CIMAP2: variants seen among roughly 807,000 people sequenced by gnomAD.
CIMAP2 encodes the protein ciliary microtubule associated protein 2.
chr1:54,812,004 C>G, the CIMAP2 span: 1 of 1,614,086 alleles, frequency 6.2e-7, no homozygotes, highest in East Asian at 2.2e-5. Flanking sequence ...GAGGGGGAAG[C>G]TGAGCTCTCC....
chr1:54,822,161 GTGCTGGGAT>G, the CIMAP2 span, among the ~76,000 whole-genome samples: 34 of 98,594 alleles, frequency 3.4e-4, 2 homozygotes, highest in South Asian at 8.6e-3. Context: ...GCCTCCCAAA[GTGCTGGGAT>G]TACAGGCGTG....
chr1:54,824,831 A>T, the CIMAP2 span, among the ~76,000 whole-genome samples: 312 of 150,614 alleles, frequency 2.1e-3, no homozygotes, highest in African/African-American at 7.4e-3. Context: ...TATCTCATTG[A>T]TTTTCTTTAA....
chr1:54,807,755 T>A, the CIMAP2 span: 1 of 1,526,010 alleles, frequency 6.6e-7, no homozygotes, highest in Non-Finnish European at 8.8e-7. Context: ...TTGCAGCTGC[T>A]CTGTGTGGCC....
At chr1:54,812,143 C>G in the CIMAP2 span, 14 of 1,614,132 alleles carry the variant, frequency 8.7e-6, no homozygotes, top group African/African-American at 5.3e-5. Context: ...GACACTTTCT[C>G]TGGTGATCGG....
chr1:54,809,560 T>C, the CIMAP2 span, among the ~76,000 whole-genome samples: 1 of 152,032 alleles, frequency 6.6e-6, no homozygotes. Flanking sequence ...ATGAGAAAAA[T>C]GGAGTACAGA....
chr1:54,806,234 G>A, the CIMAP2 span: 5 of 1,511,730 alleles, frequency 3.3e-6, no homozygotes, highest in East Asian at 1.3e-4. Context: ...GGGCCCGTTT[G>A]CGTCCTGGGC....
chr1:54,820,008 T>TC, the CIMAP2 span, among the ~76,000 whole-genome samples: 251 of 125,634 alleles, frequency 2.0e-3, 5 homozygotes, highest in African/African-American at 6.7e-3. Flanking sequence ...TCTCCCTCTC[T>TC]TTTCCTTCTT....
At chr1:54,831,829 A>G in the CIMAP2 span, among the ~76,000 whole-genome samples, 2 of 152,216 alleles carry the variant, frequency 1.3e-5, no homozygotes, top group Non-Finnish European at 2.9e-5. Flanking sequence ...TAAACAATAA[A>G]AAAATCCATG....
At chr1:54,828,214 A>G in the CIMAP2 span, among the ~76,000 whole-genome samples, 1 of 152,234 alleles carries the variant, frequency 6.6e-6, no homozygotes, top group African/African-American at 2.4e-5. Context: ...TAATTTTAAA[A>G]CCGTAGAGCT....
the CIMAP2 span, among the ~76,000 whole-genome samples, chr1:54,817,537 A>G: frequency 6.6e-6 from 1 of 152,206 alleles, no homozygotes; most frequent in Non-Finnish European, 1.5e-5. Context: ...GGGGTTGGTA[A>G]AACTCATTTC....
chr1:54,841,553 C>G, the CIMAP2 span: 3 of 1,610,972 alleles, frequency 1.9e-6, no homozygotes, highest in Non-Finnish European at 2.5e-6. Flanking sequence ...GAAGTTCTTA[C>G]AAGCCAAGTT....
At chr1:54,811,765 G>GCCGGGGGGGGGGGGGGGGCCCCCCCCC in the CIMAP2 span, 13 of 1,301,312 alleles carry the variant, frequency 1.0e-5, no homozygotes, top group East Asian at 5.0e-5. Flanking sequence ...GGTTCTGACA[G>GCCGGGGGGGGGGGGGGGGCCCCCCCCC]CCTCCATGCC....
At chr1:54,812,129 CT>C in the CIMAP2 span, 1 of 1,614,228 alleles carries the variant, frequency 6.2e-7, no homozygotes, top group Admixed American at 1.7e-5. Flanking sequence ...CCCGCGGCCC[CT>C]ATGACACTTT....
At chr1:54,817,045 G>A in the CIMAP2 span, 5 of 1,614,088 alleles carry the variant, frequency 3.1e-6, no homozygotes, top group Non-Finnish European at 4.2e-6. Flanking sequence ...CAAAGGACAG[G>A]CGGCAGCGAT....
chr1:54,820,141 T>TTC, the CIMAP2 span, among the ~76,000 whole-genome samples: 1 of 108,448 alleles, frequency 9.2e-6, no homozygotes, highest in African/African-American at 3.3e-5. Flanking sequence ...TTTCTTTCTC[T>TTC]CTTTCTCCCT....
chr1:54,842,245 G>C, the CIMAP2 span: 2 of 290,158 alleles, frequency 6.9e-6, no homozygotes, highest in African/African-American at 2.2e-5. Context: ...TTAAAGTTCA[G>C]AAAGTGGTGG....
the CIMAP2 span, chr1:54,811,765 G>GCCGGGGGGGGGGGCCCCC: frequency 6.1e-6 from 8 of 1,301,302 alleles, no homozygotes; most frequent in Non-Finnish European, 7.6e-6. Context: ...GGTTCTGACA[G>GCCGGGGGGGGGGGCCCCC]CCTCCATGCC....
the CIMAP2 span, chr1:54,815,189 C>A: frequency 8.3e-7 from 1 of 1,210,048 alleles, no homozygotes; most frequent in South Asian, 1.5e-5. Flanking sequence ...TCCACTCCCA[C>A]TGTCTTATTT....
At chr1:54,816,921 G>C in the CIMAP2 span, 1 of 1,582,532 alleles carries the variant, frequency 6.3e-7, no homozygotes, top group East Asian at 2.2e-5. Flanking sequence ...CCAAGGGGAG[G>C]AGAGGAAGCC....
Sources: gnomAD v4.1 joint callset for allele counts (sites outside exome capture counted in the v4.1 genomes callset) on GRCh38, gnomAD v4.1.1 for gene constraint, MANE v1.5 for transcripts, NCBI Gene and HGNC (gene_info 2026-07-23, HGNC 2026-07-21) for gene names.